KAT6B: variants seen among roughly 807,000 people sequenced by gnomAD.
KAT6B encodes histone acetyltransferase KAT6B.
In KAT6B, 10 loss-of-function variants were observed where a neutral mutation model predicts 187.5. The ratio of observed to expected loss-of-function variants is 0.05; its 90% CI spans 0.03 to 0.09. KAT6B has a LOEUF of 0.09. Among genes scored for constraint, KAT6B ranks in the 10% least tolerant of loss-of-function variants. KAT6B has a pLI of 1.00. For synonymous variants in KAT6B, 861 were observed against 926.8 expected (o/e 0.93, Z 1.29); for missense variants, 1,952 against 2,558.9 (o/e 0.76, Z 5.12).
intron 3 of KAT6B, among the ~76,000 whole-genome samples, chr10:74,846,438 TTTG>T (rs1842106493): frequency 6.6e-6 from 1 of 152,082 alleles, no homozygotes; most frequent in Admixed American, 6.5e-5. Flanking sequence ...ATATTTTTGT[TTTG>T]TTTTTTTGTT....
chr10:75,022,126 G>T lies in KAT6B; in HGVS notation c.3267G>T (p.Glu1089Asp). The T allele has an allele frequency of 6.2e-7, 1 of 1,605,404 alleles. No homozygotes were observed. The highest frequency in any genetic ancestry group is 8.5e-7 in the Non-Finnish European group (1 of 1,178,182). The change falls in exon 16 of 18, where the codon GAG (glutamate) becomes GAT (aspartate). Residue 1089 changes from glutamate to aspartate, a missense_variant. Around this residue, in one of 9 missense-constraint regions of KAT6B, gnomAD observed 758 missense variants for 891.4 expected, o/e 0.85. Coordinates refer to ENST00000287239, the MANE Select transcript of KAT6B (RefSeq NM_012330.4). ...AAGAAGAGGAGGAAGAAGAGGAAGA[G>T]GATGAAGAGGAGGAAGAAGAGGAAG... ...EEEEEEEEEE[E>D]DEEEEEEEEE...
intron 3 of KAT6B, among the ~76,000 whole-genome samples, chr10:74,915,590 G>T (rs1473913781): frequency 6.6e-6 from 1 of 152,196 alleles, no homozygotes; most frequent in African/African-American, 2.4e-5. Context: ...GGCAGGAACT[G>T]TATCTCTCTG....
intron 13 of KAT6B, among the ~76,000 whole-genome samples, chr10:75,013,904 T>C (rs1397281167): frequency 6.6e-6 from 1 of 152,160 alleles, no homozygotes; most frequent in African/African-American, 2.4e-5. Flanking sequence ...CACCCACCCA[T>C]AGAGCCTCTC....
At chr10:74,948,865 T>C (rs920112615) in intron 3 of KAT6B, among the ~76,000 whole-genome samples, 1 of 152,250 alleles carries the variant, frequency 6.6e-6, no homozygotes, top group Non-Finnish European at 1.5e-5. Context: ...TGCATTGTTT[T>C]CAGAATCTAG....
intron 11 of KAT6B, chr10:74,984,869 T>C: frequency 1.7e-6 from 1 of 573,160 alleles, no homozygotes. Context: ...ACCTTAAATG[T>C]ACCCTAATTT....
At chr10:74,923,122 G>A (rs898208025) in intron 3 of KAT6B, among the ~76,000 whole-genome samples, 1 of 152,156 alleles carries the variant, frequency 6.6e-6, no homozygotes, top group Non-Finnish European at 1.5e-5. Context: ...TGTGGGCTCA[G>A]GATAAGTTAG....
rs773716088 is a variant in KAT6B, at chr10:75,022,191, C to A, written c.3332C>A (p.Pro1111Gln). The part of the protein sequence containing the change: ...EEEENIQSSP[P>Q]RLTKPQSVAI... ...GAAGAAAATATTCAAAGCTCTCCCC[C>A]AAGATTGACGAAACCACAGTCAGTT... The change falls in exon 16 of 18, where the codon CCA becomes CAA. Residue 1111 changes from proline to glutamine, a missense_variant. This residue lies in a region of KAT6B where 758 missense variants were observed against 891.4 expected (regional missense o/e 0.85). Transcript: ENST00000287239. 18 of 1,613,148 alleles carry A rather than the reference C, an allele frequency of 1.1e-5. No homozygotes were observed. Among genetic ancestry groups the A allele is most frequent in the Non-Finnish European group, 2.5e-6 (3 of 1,180,018 alleles).
At chr10:75,016,905 C>G (rs1168415167) in intron 13 of KAT6B, among the ~76,000 whole-genome samples, 1 of 149,318 alleles carries the variant, frequency 6.7e-6, no homozygotes, top group Non-Finnish European at 1.5e-5. Flanking sequence ...CTCTTGTTGC[C>G]CAGGCTGGAG....
intron 3 of KAT6B, among the ~76,000 whole-genome samples, chr10:74,857,430 G>A (rs546846055): frequency 6.6e-6 from 1 of 152,236 alleles, no homozygotes; most frequent in East Asian, 1.9e-4. Flanking sequence ...AGTCACATCT[G>A]CCTCTTACCA....
intron 3 of KAT6B, among the ~76,000 whole-genome samples, chr10:74,930,621 G>C (rs1460826635): frequency 6.6e-6 from 1 of 152,148 alleles, no homozygotes; most frequent in Non-Finnish European, 1.5e-5. Context: ...AAGAAAGTTG[G>C]TTAAAAGCAG....
At position 75,029,103 on chromosome 10, in the gene KAT6B, G is replaced by A. The variant is rs533156310; in HGVS notation, c.4279G>A (p.Asp1427Asn). 1.1e-5 allele frequency: 17 copies of A among 1,614,054 alleles called. No individual in the cohort carries two copies. Among genetic ancestry groups the A allele is most frequent in the East Asian group, 2.2e-5 (1 of 44,902 alleles). ...ATCCCACAACGAGGACCATGATGCC[G>A]ATGACGAGGATGACAGCCACATGGA... ...EPSHNEDHDA[D>N]DEDDSHMESA... The change falls in exon 18 of 18, where the codon GAT becomes AAT. Residue 1427 changes from aspartate to asparagine, a missense_variant. Physicochemically the swap from Asp to Asn is conservative, Grantham distance 23 (BLOSUM62 1). Transcript: ENST00000287239. This position sits in a 1 kb window ranked among gnomAD's most constrained non-coding sequence, Gnocchi z 6.2.
chr10:74,949,439 C>CA (rs964939047), intron 3 of KAT6B, among the ~76,000 whole-genome samples: 75 of 151,536 alleles, frequency 4.9e-4, no homozygotes, highest in East Asian at 1.7e-3. Context: ...CAAAACAAAA[C>CA]AAAAAAAACA....
chr10:74,883,782 A>T (rs1220668740), intron 3 of KAT6B, among the ~76,000 whole-genome samples: 1 of 152,170 alleles, frequency 6.6e-6, no homozygotes, highest in East Asian at 1.9e-4. Flanking sequence ...CCCCAGGCCT[A>T]CCCTTCTGCC....
intron 3 of KAT6B, among the ~76,000 whole-genome samples, chr10:74,847,522 G>A (rs908542361): frequency 1.1e-4 from 16 of 152,152 alleles, no homozygotes; most frequent in South Asian, 6.2e-4. Flanking sequence ...AAAGTAGCCG[G>A]GCATGGTGGT....
At chr10:74,917,587 G>A (rs1315655794) in intron 3 of KAT6B, among the ~76,000 whole-genome samples, 2 of 152,202 alleles carry the variant, frequency 1.3e-5, no homozygotes, top group African/African-American at 4.8e-5. Flanking sequence ...ATGAGACATG[G>A]CCCTTACCTA....
intron 3 of KAT6B, among the ~76,000 whole-genome samples, chr10:74,946,737 G>C (rs1020092256): frequency 4.6e-5 from 7 of 152,186 alleles, no homozygotes; most frequent in Non-Finnish European, 7.3e-5. Context: ...GAAGTGGAAA[G>C]GTATGAGCAG....
At chr10:75,025,306 G>A in intron 17 of KAT6B, 57 bp downstream of exon 17, 1 of 1,585,804 alleles carries the variant, frequency 6.3e-7, no homozygotes, top group East Asian at 2.3e-5. Flanking sequence ...CTGACTGGGT[G>A]CCAAAGAGCA....
rs532059946 is a variant in KAT6B at position 74,829,129 on chromosome 10, C to T, written c.-329+2344C>T. On this transcript the variant is annotated intron_variant, in intron 1 of 17. Coordinates refer to ENST00000287239, the MANE Select transcript of KAT6B (RefSeq NM_012330.4). ...GGCAGAGGAAGTTTTGCTTACTAGCCACACTTAGGCTTCTGAGTAGAGTGG... is the reference window on the plus strand; with the variant it reads ...GGCAGAGGAAGTTTTGCTTACTAGCTACACTTAGGCTTCTGAGTAGAGTGG... 2.4e-4 allele frequency among the ~76,000 whole-genome samples: 36 copies of T among 152,206 alleles called. No individual in the cohort carries two copies. The South Asian group carries it at 4.4e-3, about 18-fold the overall frequency.
chr10:74,972,775 T>G, intron 7 of KAT6B, 136 bp downstream of exon 7: 1 of 847,116 alleles, frequency 1.2e-6, no homozygotes, highest in Non-Finnish European at 1.9e-6. Context: ...ACTTTTCCTT[T>G]TGCATAAGCT....
Sources: allele counts gnomAD v4.1 joint callset (sites outside exome capture counted in the v4.1 genomes callset), GRCh38; gene constraint gnomAD v4.1.1; regional missense constraint gnomAD v4.1.1; non-coding constraint Gnocchi (gnomAD v3.1); transcripts MANE v1.5; gene names NCBI Gene and HGNC (gene_info 2026-07-23, HGNC 2026-07-21).